The following WTAP variants were observed in gnomAD, a reference collection of about 807,000 sequenced individuals.
The protein encoded by WTAP is pre-mRNA-splicing regulator WTAP.
A neutral mutation model predicts 50.0 loss-of-function variants in WTAP; 8 were observed. The observed-to-expected ratio is 0.16, with a 90% CI of 0.09 to 0.29. The LOEUF is 0.29. Ranked by LOEUF, WTAP falls within the 10% of genes least tolerant of loss-of-function variation. WTAP has a pLI of 1.00. For missense variants in WTAP, 295 were observed against 470.7 expected (o/e 0.63, Z 3.45); for synonymous variants, 194 against 169.0 (o/e 1.15, Z -1.15).
At chr6:159,740,126 T>TG (rs1024607652) in intron 3 of WTAP, among the ~76,000 whole-genome samples, 2 of 151,792 alleles carry the variant, frequency 1.3e-5, no homozygotes, top group Admixed American at 1.3e-4. Context: ...ATTACAGGCA[T>TG]GGGCCACCAT....
At chr6:159,741,927 G>A in intron 3 of WTAP, 161 bp from the exon 4 acceptor site, 1 of 550,748 alleles carries the variant, frequency 1.8e-6, no homozygotes, top group Non-Finnish European at 3.2e-6. Context: ...ACTCCAGCCT[G>A]GGGGACAGAG....
At chr6:159,746,577 C>A (rs1779589789) in intron 5 of WTAP, among the ~76,000 whole-genome samples, 1 of 152,114 alleles carries the variant, frequency 6.6e-6, no homozygotes, top group South Asian at 2.1e-4. Context: ...TTGCCAAGTA[C>A]ATCAGTAGTC....
intron 6 of WTAP, among the ~76,000 whole-genome samples, chr6:159,752,613 T>C (rs1378611323): frequency 2.0e-5 from 3 of 152,234 alleles, no homozygotes; most frequent in East Asian, 1.9e-4. Context: ...ACTGGTCTTA[T>C]TTTTGTGTCA....
chr6:159,749,553 C>A, intron 6 of WTAP: 1 of 545,572 alleles, frequency 1.8e-6, no homozygotes, highest in Non-Finnish European at 2.3e-6. Context: ...CTGTGCTCTT[C>A]AAAGTGAAGG....
intron 1 of WTAP, among the ~76,000 whole-genome samples, chr6:159,729,941 C>T (rs1046376996): frequency 2.0e-5 from 3 of 152,172 alleles, no homozygotes; most frequent in African/African-American, 7.2e-5. Context: ...CCTAACCAGT[C>T]TAGACTGAAC....
At chr6:159,728,267 A>C (rs757764916) in intron 1 of WTAP, among the ~76,000 whole-genome samples, 4 of 152,240 alleles carry the variant, frequency 2.6e-5, no homozygotes, top group Non-Finnish European at 4.4e-5. Flanking sequence ...GACAGTTACT[A>C]GATTTTTTTT....
intron 1 of WTAP, among the ~76,000 whole-genome samples, chr6:159,734,670 T>C (rs1226204802): frequency 1.3e-5 from 2 of 152,176 alleles, no homozygotes; most frequent in Non-Finnish European, 2.9e-5. Context: ...TAGGAAAAAC[T>C]AAATTAGTAT....
chr6:159,727,572 A>T lies in WTAP; in HGVS notation c.-140A>T. The T allele has an allele frequency of 3.0e-6, 3 of 986,390 alleles. No homozygotes were observed. Among genetic ancestry groups the T allele is most frequent in the Non-Finnish European group, 3.6e-6 (3 of 831,138 alleles). 61.1% of individuals were successfully genotyped at this position (986,390 alleles called of 1,614,324 possible). ...AGGGGAGCGCAGGGGTTGCGGCGGG[A>T]CTAGGAGCGCGGCGGGGCCGGCGGC... On this transcript the variant is annotated 5_prime_UTR_variant, in exon 1 of 8. Transcript: ENST00000621533.
At chr6:159,732,886 A>ATAGTGTGTGTGTGTGT (rs146623701) in intron 1 of WTAP, among the ~76,000 whole-genome samples, 22 of 146,484 alleles carry the variant, frequency 1.5e-4, no homozygotes, top group African/African-American at 5.7e-4. Context: ...ATATATATAT[A>ATAGTGTGTGTGTGTGT]GTGTGTGTGT....
chr6:159,752,351 CT>C (rs934419970), intron 6 of WTAP, among the ~76,000 whole-genome samples: 1 of 151,522 alleles, frequency 6.6e-6, no homozygotes, highest in African/African-American at 2.4e-5. Flanking sequence ...GTGATCATTT[CT>C]TTTTTTTTCT....
At chr6:159,730,283 T>TAATA (rs1778487263) in intron 1 of WTAP, among the ~76,000 whole-genome samples, 1 of 152,252 alleles carries the variant, frequency 6.6e-6, no homozygotes, top group Non-Finnish European at 1.5e-5. Flanking sequence ...TTTTCTTTAT[T>TAATA]ATTTTCCTTC....
At chr6:159,753,708 A>C (rs190351467) in intron 7 of WTAP, 94 bp downstream of exon 7, 2 of 1,424,984 alleles carry the variant, frequency 1.4e-6, no homozygotes, top group South Asian at 1.4e-5. Context: ...GATTCTGTAC[A>C]TTGTTAACCT....
At position 159,748,419 on chromosome 6, in the gene WTAP, G is replaced by A. The variant is rs755695408; in HGVS notation, c.452+50G>A. 7 of 1,601,088 alleles carry A rather than the reference G, an allele frequency of 4.4e-6. No homozygotes were observed. Among genetic ancestry groups the A allele is most frequent in the Non-Finnish European group, 5.1e-6 (6 of 1,171,786 alleles). On this transcript the variant is annotated intron_variant, in intron 6 of 7. Coordinates refer to ENST00000621533, the MANE Select transcript of WTAP (RefSeq NM_001270531.2). The surrounding 1 kb of genome is among the most constrained non-coding windows in gnomAD (Gnocchi z 5.6). ...AAGACTTCCCTGACAGTCCCACTAC[G>A]AGAAAGCTGTGGTGGGACAGCCAAG...
intron 1 of WTAP, among the ~76,000 whole-genome samples, chr6:159,730,043 A>C (rs1449225171): frequency 6.6e-6 from 1 of 152,164 alleles, no homozygotes; most frequent in Non-Finnish European, 1.5e-5. Context: ...TATCTACATA[A>C]ATAACTGAAA....
At chr6:159,735,429 AC>A (rs1778847524) in intron 1 of WTAP, among the ~76,000 whole-genome samples, 1 of 152,170 alleles carries the variant, frequency 6.6e-6, no homozygotes. Flanking sequence ...GTGAGCCATC[AC>A]GCCCAACCAG....
chr6:159,736,328 G>GT lies in WTAP; in HGVS notation c.30+37dup, dbSNP rs915905760. On this transcript the variant is annotated intron_variant, in intron 2 of 7. Transcript: ENST00000621533. ...TTTTGGTTTTGGGTTTTTTTGTTTT[G>GT]TTTTGGGTTTTTTGGGGGCTTTTTT... The GT allele has an allele frequency of 5.7e-6, 9 of 1,567,578 alleles. No individual in the cohort carries two copies. The African/African-American group carries it at 1.2e-4, about 22-fold the overall frequency.
At chr6:159,738,939 C>T in intron 2 of WTAP, 51 bp from the exon 3 acceptor site, 1 of 1,404,740 alleles carries the variant, frequency 7.1e-7, no homozygotes, top group Non-Finnish European at 1.0e-6. Context: ...CATTATAGAA[C>T]TTTGTGTCTT....
Position 159,753,472 on chromosome 6 carries a change from A to G in WTAP, c.465A>G (p.Lys155=), listed in dbSNP as rs1269970949. Reference sequence around the variant, plus strand: ...CTTTCCTTTGCAGCCAAACAGGGAAAAAGTTAATGGCGAAGTGTCGAATGC... The same window carrying G: ...CTTTCCTTTGCAGCCAAACAGGGAAGAAGTTAATGGCGAAGTGTCGAATGC... The part of the protein sequence containing the change: ...WKFTPDSQTG[K]KLMAKCRMLI... The change falls in exon 7 of 8, where the codon AAA becomes AAG. Residue 155 remains lysine (K), a synonymous_variant. Transcript: ENST00000621533. The G allele has an allele frequency of 1.9e-6, 3 of 1,614,092 alleles. No homozygotes were observed. Among genetic ancestry groups the G allele is most frequent in the African/African-American group, 2.7e-5 (2 of 74,938 alleles).
chr6:159,733,398 C>T (rs1241418591), intron 1 of WTAP, among the ~76,000 whole-genome samples: 1 of 152,196 alleles, frequency 6.6e-6, no homozygotes, highest in African/African-American at 2.4e-5. Flanking sequence ...AGTTGGATTG[C>T]TTGCGCCCAG....
Sources: allele counts gnomAD v4.1 joint callset (sites outside exome capture counted in the v4.1 genomes callset), GRCh38; gene constraint gnomAD v4.1.1; non-coding constraint Gnocchi (gnomAD v3.1); transcripts MANE v1.5; gene names NCBI Gene and HGNC (gene_info 2026-07-23, HGNC 2026-07-21).